The following MAF variants were observed in gnomAD, a reference collection of about 807,000 sequenced individuals.
The protein encoded by MAF is transcription factor Maf.
MAF carries 10 observed loss-of-function variants against 22.0 expected under a neutral mutation model. The ratio of observed to expected loss-of-function variants is 0.45; its 90% CI spans 0.28 to 0.77. The LOEUF (loss-of-function observed/expected upper bound fraction) is 0.77. Ranked by LOEUF, MAF falls within the 30% of genes least tolerant of loss-of-function variation. The pLI is 0.12. For synonymous variants in MAF, 337 were observed against 255.8 expected (o/e 1.32, Z -3.03); for missense variants, 544 against 548.4 (o/e 0.99, Z 0.08).
the MAF span, among the ~76,000 whole-genome samples, chr16:79,240,689 C>G: frequency 8.6e-5 from 13 of 151,760 alleles, no homozygotes; most frequent in Non-Finnish European, 1.8e-4. Context: ...AGCATTTGAG[C>G]TCTGCTAAGG....
At chr16:79,465,542 T>C in the MAF span, among the ~76,000 whole-genome samples, 2 of 152,112 alleles carry the variant, frequency 1.3e-5, no homozygotes, top group Non-Finnish European at 2.9e-5. Flanking sequence ...CAGTGAGCCG[T>C]GATCCCGTGA....
At chr16:79,221,566 T>C in the MAF span, among the ~76,000 whole-genome samples, 2 of 152,224 alleles carry the variant, frequency 1.3e-5, no homozygotes, top group Non-Finnish European at 2.9e-5. Flanking sequence ...CTATGATCCT[T>C]ATTAATAATA....
At chr16:79,221,073 T>A in the MAF span, among the ~76,000 whole-genome samples, 3 of 152,218 alleles carry the variant, frequency 2.0e-5, no homozygotes, top group Non-Finnish European at 4.4e-5. Context: ...TTGCCAGCCT[T>A]TTGATAGTGT....
chr16:79,506,711 G>A, the MAF span, among the ~76,000 whole-genome samples: 1 of 152,186 alleles, frequency 6.6e-6, no homozygotes, highest in Non-Finnish European at 1.5e-5. Flanking sequence ...ACCTAGAGGG[G>A]CATGGGTCTG....
the MAF span, among the ~76,000 whole-genome samples, chr16:79,221,897 A>G: frequency 2.5e-4 from 38 of 152,294 alleles, no homozygotes; most frequent in African/African-American, 7.9e-4. Flanking sequence ...AACACAGGCC[A>G]CTGCTTTGTT....
the MAF span, among the ~76,000 whole-genome samples, chr16:79,501,724 T>A: frequency 6.6e-6 from 1 of 152,208 alleles, no homozygotes; most frequent in Admixed American, 6.5e-5. Context: ...TTACACGGCA[T>A]TCTTCCCCCT....
the MAF span, among the ~76,000 whole-genome samples, chr16:79,249,145 T>G: frequency 6.6e-6 from 1 of 152,016 alleles, no homozygotes; most frequent in Admixed American, 6.6e-5. Context: ...TGAGGCCGGG[T>G]GCGGTGGCTC....
chr16:79,535,476 G>A, the MAF span, among the ~76,000 whole-genome samples: 1 of 150,584 alleles, frequency 6.6e-6, no homozygotes, highest in Non-Finnish European at 1.5e-5. Flanking sequence ...AAATATCTTT[G>A]GATCCAGGAA....
the MAF span, among the ~76,000 whole-genome samples, chr16:79,221,124 A>T: frequency 6.6e-6 from 1 of 152,218 alleles, no homozygotes; most frequent in African/African-American, 2.4e-5. Context: ...GAAAGTTCGA[A>T]GACTTTCTTG....
the MAF span, among the ~76,000 whole-genome samples, chr16:79,560,150 A>C: frequency 1.3e-5 from 2 of 151,372 alleles, no homozygotes; most frequent in African/African-American, 4.9e-5. Flanking sequence ...GCCTCAAGCA[A>C]TTCTCCTGCC....
the MAF span, among the ~76,000 whole-genome samples, chr16:79,429,043 G>A: frequency 6.6e-6 from 1 of 152,058 alleles, no homozygotes; most frequent in African/African-American, 2.4e-5. Flanking sequence ...CATGAGGCTA[G>A]GATGTGCTGT....
At chr16:79,365,946 G>C in the MAF span, among the ~76,000 whole-genome samples, 63 of 152,288 alleles carry the variant, frequency 4.1e-4, no homozygotes, top group South Asian at 0.013. Context: ...TGACTCCTTC[G>C]CCAATTGCGG....
the MAF span, among the ~76,000 whole-genome samples, chr16:79,313,029 T>C: frequency 6.6e-6 from 1 of 151,960 alleles, no homozygotes; most frequent in South Asian, 2.1e-4. Context: ...CAGAGAAGAG[T>C]AGACTGGGCA....
chr16:79,213,639 C>A, the MAF span, among the ~76,000 whole-genome samples: 1 of 152,136 alleles, frequency 6.6e-6, no homozygotes, highest in African/African-American at 2.4e-5. Flanking sequence ...CTGGGCTAGC[C>A]TGCTGGATGA....
At chr16:79,596,788 C>A (rs570665117) in intron 1 of MAF, 1 of 1,047,336 alleles carries the variant, frequency 9.5e-7, no homozygotes, top group Non-Finnish European at 1.2e-6. Flanking sequence ...TTCTGCACCA[C>A]AATACAACTG....
At chr16:79,273,098 C>T in the MAF span, among the ~76,000 whole-genome samples, 8 of 152,134 alleles carry the variant, frequency 5.3e-5, no homozygotes, top group Non-Finnish European at 8.8e-5. Context: ...TTTTGCTCTG[C>T]GGTGTCCTTG....
the MAF span, among the ~76,000 whole-genome samples, chr16:79,208,711 TGCCTCA>T: frequency 1.3e-5 from 2 of 152,150 alleles, no homozygotes; most frequent in South Asian, 4.1e-4. Flanking sequence ...TTCACTAATG[TGCCTCA>T]GTCTTATTCT....
the MAF span, among the ~76,000 whole-genome samples, chr16:79,487,392 G>C: frequency 4.6e-5 from 7 of 152,206 alleles, no homozygotes; most frequent in South Asian, 2.1e-4. Context: ...GTGGATATAT[G>C]GGTATATGTG....
At chr16:79,477,360 C>T in the MAF span, among the ~76,000 whole-genome samples, 373 of 152,162 alleles carry the variant, frequency 2.5e-3, 4 homozygotes, top group South Asian at 0.035. Flanking sequence ...GTTCAGTCGC[C>T]CAGTGGGTAG....
Sources: gnomAD v4.1 joint callset for allele counts (sites outside exome capture counted in the v4.1 genomes callset) on GRCh38, gnomAD v4.1.1 for gene constraint, MANE v1.5 for transcripts, NCBI Gene and HGNC (gene_info 2026-07-23, HGNC 2026-07-21) for gene names.